The following ABCA13 variants were observed in gnomAD, a reference collection of about 807,000 sequenced individuals.
ABCA13 encodes the protein ATP binding cassette subfamily A member 13.
A neutral mutation model predicts 478.7 loss-of-function variants in ABCA13; 476 were observed. The ratio of observed to expected loss-of-function variants is 0.99; its 90% CI spans 0.92 to 1.07. The LOEUF (loss-of-function observed/expected upper bound fraction) is 1.07, where lower values mean the gene tolerates loss of function less well. Among genes scored for constraint, ABCA13 ranks in the 50% least tolerant of loss-of-function variants. The pLI is 0.00. For synonymous variants in ABCA13, 2,252 were observed against 2,158.9 expected, an observed-to-expected ratio of 1.04 and a Z score of -1.20; for missense variants, 6,060 against 5,910.6, an observed-to-expected ratio of 1.03 and a Z score of -0.83.
At chr7:48,576,220 CTG>C (rs1427830644) in intron 55 of ABCA13, among the ~76,000 whole-genome samples, 5 of 152,042 alleles carry the variant, frequency 3.3e-5, no homozygotes, top group African/African-American at 1.2e-4. Context: ...AGAAAAACGA[CTG>C]TACTAGAAGG....
At position 48,310,103 on chromosome 7, in the gene ABCA13, C is replaced by T. The variant is rs963773017; in HGVS notation, c.9478C>T (p.Leu3160=). ...GSKVYSLIVL[L]SRNLDVRAFI... is the part of the protein sequence containing the mutation. ...AAAAGTGTATTCTCTGATTGTGTTGCTGAGTCGAAACTTGGATGTGCGAGC... is the reference window on the plus strand; with the variant it reads ...AAAAGTGTATTCTCTGATTGTGTTGTTGAGTCGAAACTTGGATGTGCGAGC... Residue 3160 remains leucine (L), a synonymous_variant, in exon 24 of 62, where the codon CTG becomes TTG. Transcript: ENST00000435803. 2.5e-6 allele frequency: 4 copies of T among 1,613,176 alleles called. No homozygotes were observed. The African/African-American group carries it at 5.3e-5, about 22-fold the overall frequency.
At chr7:48,182,283 C>T (rs1466667873) in intron 1 of ABCA13, among the ~76,000 whole-genome samples, 1 of 152,170 alleles carries the variant, frequency 6.6e-6, no homozygotes, top group African/African-American at 2.4e-5. Context: ...AATTTTTTTG[C>T]AGTTGAAACA....
intron 41 of ABCA13, among the ~76,000 whole-genome samples, chr7:48,425,757 T>TTTATTTATTTA (rs1215137536): frequency 0.053 from 5,956 of 112,638 alleles, 166 homozygotes; most frequent in Middle Eastern, 0.095. Context: ...TTATTTATTT[T>TTTATTTATTTA]TTCGAGATGG....
intron 31 of ABCA13, among the ~76,000 whole-genome samples, chr7:48,356,375 T>C (rs538604583): frequency 6.6e-6 from 1 of 151,552 alleles, no homozygotes; most frequent in South Asian, 2.1e-4. Flanking sequence ...TTCTTCTTCT[T>C]TTGGAAGAAG....
intron 58 of ABCA13, among the ~76,000 whole-genome samples, chr7:48,605,110 C>A (rs1791334935): frequency 1.3e-5 from 2 of 152,032 alleles, no homozygotes; most frequent in African/African-American, 4.8e-5. Flanking sequence ...TTATTTTGAG[C>A]CTATTTTGTG....
chr7:48,443,152 G>A (rs1823855899), intron 42 of ABCA13, among the ~76,000 whole-genome samples: 1 of 152,158 alleles, frequency 6.6e-6, no homozygotes, highest in Non-Finnish European at 1.5e-5. Context: ...AACCAACCCT[G>A]CCCACACCTT....
At chr7:48,184,445 G>C (rs1301420737) in intron 1 of ABCA13, among the ~76,000 whole-genome samples, 2 of 152,082 alleles carry the variant, frequency 1.3e-5, no homozygotes, top group African/African-American at 4.8e-5. Context: ...TTCTTTTGTT[G>C]TTTATGACTT....
chr7:48,483,059 A>G lies in ABCA13; in HGVS notation c.13095-17A>G, dbSNP rs376887450. On this transcript the variant is annotated splice_polypyrimidine_tract_variant and intron_variant, in intron 46 of 61. Transcript: ENST00000435803. ...GCTCTGTGGTTGAAGCACTAACACA[A>G]TGTTCATTGTTAACAGGCTTGGAGG... The G allele has an allele frequency of 3.1e-6, 5 of 1,602,420 alleles. No individual in the cohort carries two copies. Among genetic ancestry groups the G allele is most frequent in the Middle Eastern group, 1.7e-4 (1 of 6,016 alleles).
At chr7:48,211,770 G>T (rs1041297737) in intron 3 of ABCA13, among the ~76,000 whole-genome samples, 2 of 152,026 alleles carry the variant, frequency 1.3e-5, no homozygotes, top group Non-Finnish European at 2.9e-5. Context: ...GGAAGCAAAG[G>T]CCTGGAATCA....
In ABCA13 at chr7:48,367,747, AGT is replaced by A. The variant is rs1438511706; in HGVS notation, c.10689-46_10689-45del. 2.2e-6 allele frequency: 3 copies of A among 1,391,304 alleles called. No homozygotes were observed. The African/African-American group carries it at 4.3e-5, about 20-fold the overall frequency. The allele number at this position is 1,391,304 out of a possible 1,614,324, so 86.2% of individuals were successfully genotyped here. A position where few individuals can be genotyped will look rare whatever the true frequency, so the allele number is the denominator to read the frequency against. On this transcript the variant is annotated intron_variant, in intron 31 of 61. Transcript: ENST00000435803. ...GAAGAAAAATGTAAAAAATTAGTAGAGTCATTTTGCTTGTCTCCGGATGCTGA... is the reference window on the plus strand; with the variant it reads ...GAAGAAAAATGTAAAAAATTAGTAGACATTTTGCTTGTCTCCGGATGCTGA...
At position 48,355,963 on chromosome 7, in the gene ABCA13, C is replaced by G. The variant is rs192607235; in HGVS notation, c.10688+3476C>G. On this transcript the variant is annotated intron_variant, in intron 31 of 61. Transcript: ENST00000435803. ...CCCGATTTTGATGGCATTTAGAACT[C>G]TAAGATATTACCATGGGAAGGAGTA... 1.1e-4 allele frequency among the ~76,000 whole-genome samples: 16 copies of G among 151,848 alleles called. No individual in the cohort carries two copies. The East Asian group carries it at 1.5e-3, about 15-fold the overall frequency.
chr7:48,588,585 T>C lies in ABCA13; in HGVS notation c.14640+1297T>C, dbSNP rs528675275. 7.9e-5 allele frequency among the ~76,000 whole-genome samples: 12 copies of C among 152,350 alleles called. No individual in the cohort carries two copies. The South Asian group carries it at 1.2e-3, about 16-fold the overall frequency. The stretch of plus-strand genomic sequence containing the variant: ...ACTGACAAGCTTTGAATTTTGCTTC[T>C]GCAGCTGCCCAACACTTGGCCTTGT... On this transcript the variant is annotated intron_variant, in intron 57 of 61. Transcript: ENST00000435803.
chr7:48,328,839 A>T (rs1175075854), intron 27 of ABCA13, among the ~76,000 whole-genome samples: 2 of 152,198 alleles, frequency 1.3e-5, no homozygotes, highest in African/African-American at 4.8e-5. Context: ...TCCACAAATG[A>T]GATATCATAT....
At chr7:48,278,060 T>A in intron 17 of ABCA13, 34 bp from the exon 18 acceptor site, 1 of 776,324 alleles carries the variant, frequency 1.3e-6, no homozygotes, top group Non-Finnish European at 1.7e-6. Flanking sequence ...TATTAAAAAT[T>A]AAATTAAAAG....
At chr7:48,631,364 T>C (rs1163327036) in intron 59 of ABCA13, among the ~76,000 whole-genome samples, 1 of 152,152 alleles carries the variant, frequency 6.6e-6, no homozygotes, top group African/African-American at 2.4e-5. Context: ...TTCATTCTTT[T>C]GCATGTGGCT....
At chr7:48,353,673 G>C (rs1335318461) in intron 31 of ABCA13, among the ~76,000 whole-genome samples, 1 of 151,728 alleles carries the variant, frequency 6.6e-6, no homozygotes, top group East Asian at 2.0e-4. Flanking sequence ...GTGATAGGCT[G>C]CATACATAAT....
At position 48,587,288 on chromosome 7, in the gene ABCA13, G is replaced by T. The variant is rs1471486771; in HGVS notation, c.14640G>T (p.Leu4880Phe). 1 of 1,601,594 alleles carries T rather than the reference G, an allele frequency of 6.2e-7. No homozygotes were observed. The highest frequency in any genetic ancestry group is 1.3e-5 in the African/African-American group (1 of 74,784). Reference protein sequence around the residue: ...ALVGKPDILLLDEPSSGMDPC... With the variant: ...ALVGKPDILLFDEPSSGMDPC... Reference sequence around the variant, plus strand: ...TGGGGAAACCTGACATTCTTTTATTGGTGAGTAGAAGAATGTCAATATCTT... The same window carrying T: ...TGGGGAAACCTGACATTCTTTTATTTGTGAGTAGAAGAATGTCAATATCTT... Residue 4880 changes from leucine (L) to phenylalanine (F), a missense_variant and splice_region_variant, in exon 57 of 62, where the codon TTG becomes TTT. Leu to Phe is a conservative substitution (Grantham distance 22, BLOSUM62 0). Around this residue, in one of 3 missense-constraint regions of ABCA13, gnomAD observed 1,627 missense variants for 1,571.0 expected, o/e 1.04. Coordinates refer to ENST00000435803, the MANE Select transcript of ABCA13 (RefSeq NM_152701.5).
rs922802438 is a variant in ABCA13, at chr7:48,238,355, T to A, written c.898-886T>A. On this transcript the variant is annotated intron_variant, in intron 8 of 61. Coordinates refer to ENST00000435803, the MANE Select transcript of ABCA13 (RefSeq NM_152701.5). ...GACCATGGCAGTCACCAACAGAATCTCTTAAAGATGGCATTATAATTGTTG... is the reference window on the plus strand; with the variant it reads ...GACCATGGCAGTCACCAACAGAATCACTTAAAGATGGCATTATAATTGTTG... Among the ~76,000 whole-genome samples, 3 of 152,170 alleles carry A rather than the reference T, an allele frequency of 2.0e-5. No individual in the cohort carries two copies. The South Asian group carries it at 6.2e-4, about 31-fold the overall frequency.
At chr7:48,257,099 G>A (rs1793509654) in intron 15 of ABCA13, among the ~76,000 whole-genome samples, 2 of 151,854 alleles carry the variant, frequency 1.3e-5, no homozygotes, top group African/African-American at 4.8e-5. Flanking sequence ...TCTTGATTTG[G>A]CTTTCATCTT....
Sources: gnomAD v4.1 joint callset for allele counts (sites outside exome capture counted in the v4.1 genomes callset) on GRCh38, gnomAD v4.1.1 for gene constraint, gnomAD v4.1.1 regional missense constraint, MANE v1.5 for transcripts, NCBI Gene and HGNC (gene_info 2026-07-23, HGNC 2026-07-21) for gene names.